The following PTPRD variants were observed in gnomAD, a reference collection of about 807,000 sequenced individuals.
The protein encoded by PTPRD is protein tyrosine phosphatase receptor type D, also known as receptor-type tyrosine-protein phosphatase delta.
A neutral mutation model predicts 214.5 loss-of-function variants in PTPRD; 34 were observed. The ratio of observed to expected loss-of-function variants is 0.16; its 90% CI spans 0.12 to 0.21. PTPRD has a LOEUF of 0.21. Ranked by LOEUF, PTPRD falls within the 10% of genes least tolerant of loss-of-function variation. The pLI is 1.00. For missense variants in PTPRD, 2,545 were observed against 2,398.7 expected (o/e 1.06, Z -1.27); for synonymous variants, 1,128 against 845.7 (o/e 1.33, Z -5.79).
At chr9:8,475,483 C>A (rs1290521854) in intron 30 of PTPRD, among the ~76,000 whole-genome samples, 1 of 152,120 alleles carries the variant, frequency 6.6e-6, no homozygotes, top group Non-Finnish European at 1.5e-5. Flanking sequence ...AGATCTCATT[C>A]CACCTCAGGG....
At chr9:9,561,584 C>A (rs933193557) in intron 8 of PTPRD, among the ~76,000 whole-genome samples, 1 of 152,038 alleles carries the variant, frequency 6.6e-6, no homozygotes, top group Non-Finnish European at 1.5e-5. Flanking sequence ...AAAAGAATAG[C>A]CTCTCTCTAT....
chr9:10,415,232 A>G (rs2098475979), intron 2 of PTPRD, among the ~76,000 whole-genome samples: 1 of 151,842 alleles, frequency 6.6e-6, no homozygotes, highest in Admixed American at 6.6e-5. Context: ...TTGAGATTAT[A>G]TACATAATAT....
chr9:8,493,046 G>T (rs1034518787), intron 26 of PTPRD, 67 bp from the exon 27 acceptor site: 3 of 1,340,970 alleles, frequency 2.2e-6, no homozygotes, highest in South Asian at 2.4e-5. Flanking sequence ...GAAAAACAAG[G>T]CCGTCTGCCT....
chr9:10,005,523 G>A (rs888145726), intron 4 of PTPRD, among the ~76,000 whole-genome samples: 2 of 152,008 alleles, frequency 1.3e-5, no homozygotes, highest in African/African-American at 4.8e-5. Context: ...CTCAAAAATG[G>A]TTATCAGAAA....
At chr9:9,293,240 T>A (rs1951800507) in intron 9 of PTPRD, among the ~76,000 whole-genome samples, 1 of 151,658 alleles carries the variant, frequency 6.6e-6, no homozygotes, top group Admixed American at 6.6e-5. Context: ...TTAACATATG[T>A]CAGTATGGAT....
intron 5 of PTPRD, among the ~76,000 whole-genome samples, chr9:9,769,874 C>T (rs766951868): frequency 6.6e-6 from 1 of 151,928 alleles, no homozygotes; most frequent in African/African-American, 2.4e-5. Flanking sequence ...GTTTTCTGTT[C>T]CTGTATTAGT....
rs62530680 is a variant in PTPRD at position 8,568,856 on chromosome 9, C to T, written c.353-40077G>A. ...TGGTCTTCTAAGTTCTCGGTGCTGCCTAAAGTAAATATGGTAATACTCAGT... is the reference window on the plus strand; with the variant it reads ...TGGTCTTCTAAGTTCTCGGTGCTGCTTAAAGTAAATATGGTAATACTCAGT... On this transcript the variant is annotated intron_variant, in intron 14 of 45. Coordinates refer to ENST00000381196, the MANE Select transcript of PTPRD (RefSeq NM_002839.4). 7.0e-3 allele frequency among the ~76,000 whole-genome samples: 1,061 copies of T among 151,662 alleles called. 8 individuals carry two copies. Among genetic ancestry groups the T allele is most frequent in the Non-Finnish European group, 9.7e-3 (656 of 67,882 alleles).
At chr9:8,420,679 G>T (rs2094292929) in intron 35 of PTPRD, among the ~76,000 whole-genome samples, 1 of 152,126 alleles carries the variant, frequency 6.6e-6, no homozygotes, top group East Asian at 1.9e-4. Context: ...TACAACTGTG[G>T]AGAGATAAAT....
chr9:10,309,665 C>G (rs2096209861), intron 3 of PTPRD, among the ~76,000 whole-genome samples: 1 of 151,656 alleles, frequency 6.6e-6, no homozygotes, highest in South Asian at 2.1e-4. Context: ...ACACCTGGCG[C>G]CAACTAATTT....
At chr9:9,038,553 GTTTT>G (rs35388432) in intron 10 of PTPRD, among the ~76,000 whole-genome samples, 1 of 129,042 alleles carries the variant, frequency 7.7e-6, no homozygotes, top group Non-Finnish European at 1.6e-5. Context: ...TGTGATAACG[GTTTT>G]TTTTTTTTTT....
intron 5 of PTPRD, among the ~76,000 whole-genome samples, chr9:9,849,172 T>C (rs1465925256): frequency 6.6e-6 from 1 of 152,040 alleles, no homozygotes; most frequent in Non-Finnish European, 1.5e-5. Flanking sequence ...GAAACAGTTA[T>C]TGGGGAAATT....
At chr9:9,245,023 G>C (rs1351146673) in intron 9 of PTPRD, among the ~76,000 whole-genome samples, 6 of 152,066 alleles carry the variant, frequency 3.9e-5, no homozygotes, top group African/African-American at 1.4e-4. Context: ...GCAGCCAACA[G>C]ATACAAGAAA....
chr9:9,346,494 T>C (rs1040805044), intron 9 of PTPRD, among the ~76,000 whole-genome samples: 3 of 152,170 alleles, frequency 2.0e-5, no homozygotes, highest in Non-Finnish European at 4.4e-5. Flanking sequence ...TACTTATTTA[T>C]GAGTGATGCT....
chr9:9,073,218 T>G (rs2099746382), intron 10 of PTPRD, among the ~76,000 whole-genome samples: 1 of 152,206 alleles, frequency 6.6e-6, no homozygotes, highest in South Asian at 2.1e-4. Flanking sequence ...ACTGTTCATT[T>G]TGTACAAGCA....
At position 9,583,562 on chromosome 9, in the gene PTPRD, T is replaced by C. The variant is rs1048330666; in HGVS notation, c.-286-8781A>G. Among the ~76,000 whole-genome samples, 54 of 152,212 alleles carry C rather than the reference T, an allele frequency of 3.5e-4. 1 individual carries two copies. The highest frequency in any genetic ancestry group is 1.1e-3 in the African/African-American group (44 of 41,590). The stretch of plus-strand genomic sequence containing the variant: ...TAATAATGCTCATCATAAAGTTGCC[T>C]TGTTATAGATAACTACGCATTTAAG... On this transcript the variant is annotated intron_variant, in intron 7 of 45. Coordinates refer to ENST00000381196, the MANE Select transcript of PTPRD (RefSeq NM_002839.4).
At chr9:8,337,187 T>C (rs959579267) in intron 43 of PTPRD, among the ~76,000 whole-genome samples, 1 of 152,164 alleles carries the variant, frequency 6.6e-6, no homozygotes, top group Non-Finnish European at 1.5e-5. Flanking sequence ...AGCAAAGACT[T>C]GTAACCAACC....
intron 12 of PTPRD, among the ~76,000 whole-genome samples, chr9:8,652,472 A>C (rs1467348045): frequency 2.6e-5 from 4 of 152,192 alleles, no homozygotes; most frequent in Non-Finnish European, 5.9e-5. Flanking sequence ...CTTAGAACAC[A>C]TTTGCAGATA....
chr9:10,607,064 C>T (rs1158209864), intron 2 of PTPRD, among the ~76,000 whole-genome samples: 2 of 151,858 alleles, frequency 1.3e-5, no homozygotes, highest in Admixed American at 6.6e-5. Context: ...AAAAGACACA[C>T]ATTTAATTTA....
intron 12 of PTPRD, among the ~76,000 whole-genome samples, chr9:8,640,561 CAAA>C (rs201282830): frequency 3.8e-5 from 4 of 105,462 alleles, no homozygotes; most frequent in Middle Eastern, 5.4e-3. Context: ...AACAAAAAAA[CAAA>C]AAAAAAAAAA....
Sources: gnomAD v4.1 joint callset for allele counts (sites outside exome capture counted in the v4.1 genomes callset) on GRCh38, gnomAD v4.1.1 for gene constraint, MANE v1.5 for transcripts, NCBI Gene and HGNC (gene_info 2026-07-23, HGNC 2026-07-21) for gene names.